Variants in PTPRD observed in about 807,000 individuals in gnomAD.
The protein encoded by PTPRD is receptor-type tyrosine-protein phosphatase delta.
In PTPRD, 34 loss-of-function variants were observed where a neutral mutation model predicts 214.5. That is an observed-to-expected ratio of 0.16 (90% confidence interval 0.12 to 0.21). PTPRD has a LOEUF of 0.21. Among genes scored for constraint, PTPRD ranks in the 10% least tolerant of loss-of-function variants. The pLI is 1.00. For synonymous variants in PTPRD, 1,128 were observed against 845.7 expected, an observed-to-expected ratio of 1.33 and a Z score of -5.79; for missense variants, 2,545 against 2,398.7, an observed-to-expected ratio of 1.06 and a Z score of -1.27.
chr9:8,477,001 C>A (rs1384095618), intron 30 of PTPRD, among the ~76,000 whole-genome samples: 1 of 151,968 alleles, frequency 6.6e-6, no homozygotes, highest in African/African-American at 2.4e-5. Context: ...TTGTTCTAAT[C>A]TCACAGGACA....
At chr9:10,321,782 GA>G (rs2096557383) in intron 3 of PTPRD, among the ~76,000 whole-genome samples, 1 of 152,038 alleles carries the variant, frequency 6.6e-6, no homozygotes. Flanking sequence ...CAGCTGATTA[GA>G]ATGGCTGACT....
chr9:10,561,295 A>G (rs1251496664), intron 2 of PTPRD, among the ~76,000 whole-genome samples: 1 of 152,188 alleles, frequency 6.6e-6, no homozygotes, highest in Non-Finnish European at 1.5e-5. Flanking sequence ...AGAAGACCTG[A>G]AGCACTTATT....
chr9:9,986,126 G>A (rs2095701925), intron 4 of PTPRD, among the ~76,000 whole-genome samples: 1 of 152,096 alleles, frequency 6.6e-6, no homozygotes, highest in Non-Finnish European at 1.5e-5. Context: ...ACTGTTAGCT[G>A]GTTGGGGAGA....
intron 3 of PTPRD, among the ~76,000 whole-genome samples, chr9:10,321,530 G>A (rs963798174): frequency 9.2e-5 from 14 of 152,218 alleles, no homozygotes; most frequent in Admixed American, 7.2e-4. Context: ...AAAGTGGAAT[G>A]TGGTTGATTG....
chr9:9,544,039 C>T (rs1401841568), intron 8 of PTPRD, among the ~76,000 whole-genome samples: 1 of 151,582 alleles, frequency 6.6e-6, no homozygotes, highest in African/African-American at 2.4e-5. Context: ...AATCTCTTCT[C>T]TTGTAGAAAA....
chr9:9,587,954 A>T (rs1262466379), intron 7 of PTPRD, among the ~76,000 whole-genome samples: 1 of 152,000 alleles, frequency 6.6e-6, no homozygotes, highest in Non-Finnish European at 1.5e-5. Context: ...AAGTGACTAT[A>T]TCTAGCAACA....
intron 9 of PTPRD, among the ~76,000 whole-genome samples, chr9:9,298,859 C>A (rs1364602563): frequency 6.6e-6 from 1 of 151,684 alleles, no homozygotes; most frequent in East Asian, 1.9e-4. Flanking sequence ...TATGATTATA[C>A]CACAAGGCAG....
chr9:9,167,757 A>G (rs570572311), intron 10 of PTPRD, among the ~76,000 whole-genome samples: 1 of 151,990 alleles, frequency 6.6e-6, no homozygotes, highest in East Asian at 1.9e-4. Context: ...CTCTGTCTTA[A>G]ATAAATAAAT....
At chr9:10,214,889 C>A (rs1416213332) in intron 3 of PTPRD, among the ~76,000 whole-genome samples, 1 of 152,032 alleles carries the variant, frequency 6.6e-6, no homozygotes, top group Non-Finnish European at 1.5e-5. Flanking sequence ...CCTGAATCCT[C>A]TAAGGGGATT....
At chr9:9,055,752 A>T (rs1397969721) in intron 10 of PTPRD, among the ~76,000 whole-genome samples, 1 of 150,452 alleles carries the variant, frequency 6.6e-6, no homozygotes, top group Non-Finnish European at 1.5e-5. Context: ...TGTATTTTAT[A>T]ACTAACAATA....
intron 3 of PTPRD, among the ~76,000 whole-genome samples, chr9:10,338,565 T>C (rs1241597611): frequency 6.6e-6 from 1 of 151,734 alleles, no homozygotes; most frequent in Non-Finnish European, 1.5e-5. Flanking sequence ...AAAGGTGTAG[T>C]GTTATCTTTC....
intron 14 of PTPRD, among the ~76,000 whole-genome samples, chr9:8,626,203 G>T (rs1343283046): frequency 2.0e-5 from 3 of 151,812 alleles, no homozygotes; most frequent in African/African-American, 4.8e-5. Flanking sequence ...ATCAATGAAA[G>T]CCAACCAACT....
At chr9:9,243,864 G>A (rs560858803) in intron 9 of PTPRD, among the ~76,000 whole-genome samples, 21 of 152,148 alleles carry the variant, frequency 1.4e-4, no homozygotes, top group East Asian at 3.9e-4. Flanking sequence ...CTGTTTGCAG[G>A]TGACATGATT....
chr9:9,558,836 C>T (rs1238651410), intron 8 of PTPRD, among the ~76,000 whole-genome samples: 1 of 152,148 alleles, frequency 6.6e-6, no homozygotes, highest in Admixed American at 6.5e-5. Flanking sequence ...TCGGGGACAC[C>T]CTTCCTAACA....
At chr9:8,459,323 G>T (rs750273034) in intron 33 of PTPRD, among the ~76,000 whole-genome samples, 7 of 151,964 alleles carry the variant, frequency 4.6e-5, no homozygotes, top group Admixed American at 2.0e-4. Flanking sequence ...TCTTGTAGTA[G>T]AAGGATGAGA....
At chr9:8,939,284 T>G (rs1347972842) in intron 11 of PTPRD, among the ~76,000 whole-genome samples, 4 of 152,144 alleles carry the variant, frequency 2.6e-5, no homozygotes, top group African/African-American at 9.7e-5. Context: ...TGTTCTGAAT[T>G]GCTTGCAAGG....
intron 5 of PTPRD, among the ~76,000 whole-genome samples, chr9:9,807,907 T>A (rs1348710017): frequency 6.6e-6 from 1 of 152,180 alleles, no homozygotes; most frequent in Non-Finnish European, 1.5e-5. Context: ...GAAATAACCC[T>A]AAGAGCAGTT....
chr9:10,190,484 G>A (rs1272377518), intron 3 of PTPRD, among the ~76,000 whole-genome samples: 5 of 147,564 alleles, frequency 3.4e-5, no homozygotes, highest in East Asian at 4.0e-4. Flanking sequence ...TTGTGAGGCC[G>A]AGGCAGGTGG....
intron 11 of PTPRD, among the ~76,000 whole-genome samples, chr9:8,859,554 T>C (rs969615285): frequency 1.3e-5 from 2 of 152,184 alleles, no homozygotes; most frequent in African/African-American, 4.8e-5. Flanking sequence ...ATACACACAA[T>C]ACTTATCCCT....
Sources: gnomAD v4.1 joint callset for allele counts (sites outside exome capture counted in the v4.1 genomes callset) on GRCh38, gnomAD v4.1.1 for gene constraint, MANE v1.5 for transcripts, NCBI Gene and HGNC (gene_info 2026-07-23, HGNC 2026-07-21) for gene names.